CNTNAP2: variants seen among roughly 807,000 people sequenced by gnomAD.
CNTNAP2 encodes the protein contactin associated protein 2.
Under a neutral mutation model 155.2 loss-of-function variants are expected in CNTNAP2, and 98 were observed. The observed-to-expected ratio is 0.63, with a 90% CI of 0.54 to 0.75. The LOEUF (loss-of-function observed/expected upper bound fraction) is 0.75. Among genes scored for constraint, CNTNAP2 ranks in the 30% least tolerant of loss-of-function variants. The pLI is 0.00. For missense variants in CNTNAP2, 1,727 were observed against 1,688.1 expected, an observed-to-expected ratio of 1.02 and a Z score of -0.40; for synonymous variants, 651 against 631.2, an observed-to-expected ratio of 1.03 and a Z score of -0.47.
intron 1 of CNTNAP2, among the ~76,000 whole-genome samples, chr7:146,712,632 A>G (rs1190589566): frequency 1.3e-5 from 2 of 151,342 alleles, no homozygotes; most frequent in Non-Finnish European, 3.0e-5. Flanking sequence ...AACTAACCCC[A>G]TGACTAGAAT....
At chr7:147,005,075 A>G (rs1044894766) in intron 3 of CNTNAP2, among the ~76,000 whole-genome samples, 2 of 152,104 alleles carry the variant, frequency 1.3e-5, no homozygotes, top group African/African-American at 4.8e-5. Context: ...AGGCAGGATC[A>G]AAATATCAGG....
At chr7:147,432,849 A>G (rs1278570743) in intron 10 of CNTNAP2, among the ~76,000 whole-genome samples, 1 of 152,158 alleles carries the variant, frequency 6.6e-6, no homozygotes, top group Non-Finnish European at 1.5e-5. Context: ...TTAGGTTTTC[A>G]TGCACTCTTA....
chr7:147,727,210 A>G (rs1554427127), intron 13 of CNTNAP2, among the ~76,000 whole-genome samples: 1 of 151,906 alleles, frequency 6.6e-6, no homozygotes, highest in East Asian at 1.9e-4. Context: ...TGGACCTTTC[A>G]TCTCTGTCTT....
rs375108989 is a variant in CNTNAP2 at position 147,561,998 on chromosome 7, T to C, written c.1778-140T>C. On this transcript the variant is annotated intron_variant, in intron 11 of 23. Coordinates refer to ENST00000361727, the MANE Select transcript of CNTNAP2 (RefSeq NM_014141.6). ...AAAGAAACAAATCATGAATTTAAAT[T>C]TAGAGACAAAGAACGCTCTTTCCAG... 8.1e-6 allele frequency: 9 copies of C among 1,115,246 alleles called. No individual in the cohort carries two copies. In the African/African-American group the frequency reaches 1.2e-4, roughly 15 times the overall value. 69.1% of individuals were successfully genotyped at this position (1,115,246 alleles called of 1,614,324 possible).
At chr7:146,959,052 C>G (rs1797499089) in intron 3 of CNTNAP2, among the ~76,000 whole-genome samples, 1 of 151,652 alleles carries the variant, frequency 6.6e-6, no homozygotes, top group South Asian at 2.1e-4. Flanking sequence ...TGTAGTCTTG[C>G]TCTGTCGCCC....
intron 1 of CNTNAP2, among the ~76,000 whole-genome samples, chr7:146,454,027 A>G (rs555565478): frequency 6.6e-6 from 1 of 152,312 alleles, no homozygotes; most frequent in African/African-American, 2.4e-5. Flanking sequence ...AATTTTCAAA[A>G]AAAATAGAAG....
intron 1 of CNTNAP2, among the ~76,000 whole-genome samples, chr7:146,586,681 C>G (rs974725158): frequency 1.3e-4 from 20 of 152,096 alleles, no homozygotes; most frequent in African/African-American, 4.8e-4. Context: ...AAATAGTAGA[C>G]AGAAAACCAT....
chr7:147,377,507 T>G (rs1216669690), intron 9 of CNTNAP2, among the ~76,000 whole-genome samples: 1 of 151,970 alleles, frequency 6.6e-6, no homozygotes, highest in Non-Finnish European at 1.5e-5. Flanking sequence ...CTTGTATTTC[T>G]CTCTTTTCTG....
At chr7:148,183,277 T>C (rs776412489) in intron 18 of CNTNAP2, among the ~76,000 whole-genome samples, 1 of 152,214 alleles carries the variant, frequency 6.6e-6, no homozygotes, top group African/African-American at 2.4e-5. Context: ...ATTCAAAGTC[T>C]TGTCCAAGGA....
chr7:147,566,208 A>G (rs1461016247), intron 12 of CNTNAP2, among the ~76,000 whole-genome samples: 2 of 149,878 alleles, frequency 1.3e-5, no homozygotes, highest in African/African-American at 4.9e-5. Context: ...AGGTGGGAGG[A>G]TCACTTGAGC....
At chr7:146,722,307 T>A (rs958649167) in intron 1 of CNTNAP2, among the ~76,000 whole-genome samples, 1 of 152,154 alleles carries the variant, frequency 6.6e-6, no homozygotes, top group African/African-American at 2.4e-5. Flanking sequence ...TGGCCTTTTG[T>A]GTCCTGTGAT....
chr7:148,222,218 C>T (rs1795759531), intron 19 of CNTNAP2, among the ~76,000 whole-genome samples: 1 of 152,224 alleles, frequency 6.6e-6, no homozygotes, highest in Admixed American at 6.5e-5. Flanking sequence ...TATAGGGTGT[C>T]TTATTTTCTG....
chr7:148,039,833 G>A (rs1802637154), intron 15 of CNTNAP2, among the ~76,000 whole-genome samples: 1 of 152,174 alleles, frequency 6.6e-6, no homozygotes, highest in African/African-American at 2.4e-5. Context: ...GATTGAGGCT[G>A]AACAATCACC....
rs1272117526 is a variant in CNTNAP2 at position 146,912,311 on chromosome 7, A to C, written c.402+72407A>C. ...TTGACAATGTAATTCTGTTGCCTTC[A>C]CACCTATTAAGTTGAGCAATTTCCC... On this transcript the variant is annotated intron_variant, in intron 3 of 23. Transcript: ENST00000361727. Among the ~76,000 whole-genome samples the C allele has an allele frequency of 2.0e-5, 3 of 151,050 alleles. No individual in the cohort carries two copies. In the South Asian group the frequency reaches 6.3e-4, roughly 32 times the overall value.
chr7:147,689,182 C>T (rs1327461794), intron 13 of CNTNAP2, among the ~76,000 whole-genome samples: 1 of 148,774 alleles, frequency 6.7e-6, no homozygotes, highest in Non-Finnish European at 1.5e-5. Flanking sequence ...CAGCGTCTTG[C>T]CCTGTTGCCC....
intron 11 of CNTNAP2, among the ~76,000 whole-genome samples, chr7:147,539,601 C>T (rs1337601171): frequency 1.3e-5 from 2 of 152,184 alleles, no homozygotes; most frequent in Non-Finnish European, 2.9e-5. Context: ...CAAACCTTTA[C>T]ATTTGTTCAG....
At chr7:147,751,035 G>A (rs1797126572) in intron 13 of CNTNAP2, among the ~76,000 whole-genome samples, 1 of 151,386 alleles carries the variant, frequency 6.6e-6, no homozygotes, top group Non-Finnish European at 1.5e-5. Context: ...GCGAGACTCC[G>A]TCTCAAAAAT....
intron 22 of CNTNAP2, among the ~76,000 whole-genome samples, chr7:148,387,581 G>GAAATGCA (rs1444644962): frequency 2.0e-5 from 3 of 152,094 alleles, no homozygotes; most frequent in Non-Finnish European, 2.9e-5. Flanking sequence ...AGCTTTTTTA[G>GAAATGCA]AAATGCAGAA....
chr7:148,254,524 C>T lies in CNTNAP2; in HGVS notation c.3382-12509C>T, dbSNP rs1388179155. Among the ~76,000 whole-genome samples, 3 of 152,090 alleles carry T rather than the reference C, an allele frequency of 2.0e-5. No homozygotes were observed. The East Asian group carries it at 5.8e-4, about 29-fold the overall frequency. The stretch of plus-strand genomic sequence containing the variant: ...ATGCACGTTGGCTCATACCTATAAT[C>T]CCAGCACTTTGGGAGGCCGAGGTGG... On this transcript the variant is annotated intron_variant, in intron 20 of 23. Coordinates refer to ENST00000361727, the MANE Select transcript of CNTNAP2 (RefSeq NM_014141.6).
Sources: gnomAD v4.1 joint callset for allele counts (sites outside exome capture counted in the v4.1 genomes callset) on GRCh38, gnomAD v4.1.1 for gene constraint, MANE v1.5 for transcripts, NCBI Gene and HGNC (gene_info 2026-07-23, HGNC 2026-07-21) for gene names.